Variants in ALPK2 observed in about 807,000 individuals in gnomAD.
The protein encoded by ALPK2 is alpha kinase 2, also known as alpha-protein kinase 2.
In ALPK2, 127 loss-of-function variants were observed where a neutral mutation model predicts 163.1. The ratio of observed to expected loss-of-function variants is 0.78; its 90% CI spans 0.67 to 0.90. The LOEUF is 0.90. Among genes scored for constraint, ALPK2 ranks in the 40% least tolerant of loss-of-function variants. ALPK2 has a pLI of 0.00. For synonymous variants in ALPK2, 953 were observed against 959.1 expected, an observed-to-expected ratio of 0.99 and a Z score of 0.12; for missense variants, 2,360 against 2,589.6, an observed-to-expected ratio of 0.91 and a Z score of 1.92.
rs3809972 is a variant in ALPK2, at chr18:58,537,713, C to G, written c.2474G>C (p.Arg825Thr). 835,805 of 1,604,674 alleles carry G rather than the reference C, an allele frequency of 0.52. 223,522 individuals carry two copies. Among genetic ancestry groups the G allele is most frequent in the Non-Finnish European group, 0.56 (650,773 of 1,171,822 alleles). Residue 825 changes from arginine (R) to threonine (T), a missense_variant, in exon 5 of 13, where the codon AGA (arginine) becomes ACA (threonine). Transcript: ENST00000361673. Reference protein sequence around the residue: ...CFDTIDSLVGRPVDKYSPQEI... With the variant: ...CFDTIDSLVGTPVDKYSPQEI... ...TTGAGGCGAATATTTATCAACTGGT[C>G]TCCCAACAAGAGAATCTATGGTATC...
intron 6 of ALPK2, among the ~76,000 whole-genome samples, chr18:58,525,155 G>A (rs1000440693): frequency 3.3e-5 from 5 of 152,114 alleles, no homozygotes; most frequent in African/African-American, 1.2e-4. Flanking sequence ...CAAAAACAGT[G>A]TTCATTATTG....
At chr18:58,488,230 C>G (rs2051350465) in intron 12 of ALPK2, among the ~76,000 whole-genome samples, 1 of 151,870 alleles carries the variant, frequency 6.6e-6, no homozygotes. Flanking sequence ...CTGAAACATC[C>G]CACCTGGAGA....
chr18:58,610,926 C>T (rs1212627660), intron 2 of ALPK2, among the ~76,000 whole-genome samples: 1 of 152,178 alleles, frequency 6.6e-6, no homozygotes, highest in Non-Finnish European at 1.5e-5. Flanking sequence ...GAAACCCCAT[C>T]TCTACTAAAA....
intron 4 of ALPK2, among the ~76,000 whole-genome samples, chr18:58,576,778 A>G (rs1193974079): frequency 6.6e-6 from 1 of 152,242 alleles, no homozygotes; most frequent in African/African-American, 2.4e-5. Flanking sequence ...AACACCACAG[A>G]TAGAAAGATC....
At chr18:58,527,322 C>T (rs2144136675) in intron 6 of ALPK2, among the ~76,000 whole-genome samples, 1 of 152,288 alleles carries the variant, frequency 6.6e-6, no homozygotes, top group South Asian at 2.1e-4. Flanking sequence ...TCTCAATAAA[C>T]AAATGAATTA....
intron 4 of ALPK2, among the ~76,000 whole-genome samples, chr18:58,575,256 G>A (rs1243433399): frequency 6.6e-6 from 1 of 151,880 alleles, no homozygotes. Flanking sequence ...AACTATACTT[G>A]GCATTTACTC....
chr18:58,535,149 A>G lies in ALPK2; in HGVS notation c.5038T>C (p.Cys1680Arg), dbSNP rs373354784. 1.9e-6 allele frequency: 3 copies of G among 1,614,110 alleles called. No homozygotes were observed. The highest frequency in any genetic ancestry group is 2.5e-6 in the Non-Finnish European group (3 of 1,180,014). The change falls in exon 5 of 13, where the codon TGT becomes CGT. Residue 1680 changes from cysteine (C) to arginine (R), a missense_variant. Physicochemically the swap from Cys to Arg is radical, Grantham distance 180. Transcript: ENST00000361673. ...QDPCQKGTLG[C>R]AKKSREREKS... The stretch of plus-strand genomic sequence containing the variant: ...TCTCTCTCCCTGGACTTTTTCGCAC[A>G]GCCCAGGGTGCCCTTTTGACATGGA...
intron 4 of ALPK2, among the ~76,000 whole-genome samples, chr18:58,552,394 A>G (rs2051764479): frequency 6.6e-6 from 1 of 152,270 alleles, no homozygotes; most frequent in African/African-American, 2.4e-5. Flanking sequence ...GTCTGTCCCA[A>G]CCCAGCTCAC....
chr18:58,567,273 A>C (rs2051860297), intron 4 of ALPK2, among the ~76,000 whole-genome samples: 1 of 151,428 alleles, frequency 6.6e-6, no homozygotes, highest in African/African-American at 2.4e-5. Flanking sequence ...GGTCCCAACT[A>C]CTCGGAAGGC....
rs777001151 is a variant in ALPK2, at chr18:58,537,979, G to T, written c.2208C>A (p.Asp736Glu). Residue 736 changes from aspartate (D) to glutamate (E), a missense_variant, in exon 5 of 13, where the codon GAC (aspartate) becomes GAA (glutamate). Physicochemically the swap from Asp to Glu is conservative, Grantham distance 45 (BLOSUM62 2). Transcript: ENST00000361673. Reference sequence around the variant, plus strand: ...CTGAGATGCTCTGCTCATATTTTAGGTCTTCCCTGAAATTGTCAGGTATGT... The same window carrying T: ...CTGAGATGCTCTGCTCATATTTTAGTTCTTCCCTGAAATTGTCAGGTATGT... ...DGNIPDNFRE[D>E]LKYEQSISEA... is the part of the protein sequence containing the mutation. The T allele has an allele frequency of 1.9e-6, 3 of 1,614,160 alleles. No individual in the cohort carries two copies. The East Asian group carries it at 6.7e-5, about 36-fold the overall frequency.
At chr18:58,580,763 T>A in intron 3 of ALPK2, 1 of 569,934 alleles carries the variant, frequency 1.8e-6, no homozygotes, top group Non-Finnish European at 3.1e-6. Flanking sequence ...CATCCTCCCT[T>A]GAAACTTTCC....
chr18:58,535,452 G>A lies in ALPK2; in HGVS notation c.4735C>T (p.Gln1579Ter). 1 of 1,614,192 alleles carries A rather than the reference G, an allele frequency of 6.2e-7. No individual in the cohort carries two copies. The highest frequency in any genetic ancestry group is 8.5e-7 in the Non-Finnish European group (1 of 1,180,016). The change falls in exon 5 of 13, where the codon CAG (glutamine) becomes TAG (stop). Residue 1579 changes from glutamine to a stop codon, truncating the protein, a stop_gained. Transcript: ENST00000361673. LOFTEE classifies it high-confidence loss of function. Reference sequence around the variant, plus strand: ...TTCTGTGAAACAGGAAACACATACTGACGCTTTCTGGGCTCAACTATGTCA... The same window carrying A: ...TTCTGTGAAACAGGAAACACATACTAACGCTTTCTGGGCTCAACTATGTCA... ...ENDIVEPRKR[Q>*]YVFPVSQKRG...
intron 8 of ALPK2, among the ~76,000 whole-genome samples, chr18:58,517,660 C>T (rs913400359): frequency 6.6e-6 from 1 of 151,662 alleles, no homozygotes; most frequent in African/African-American, 2.4e-5. Context: ...TTTAATACCA[C>T]AAATATACTA....
intron 12 of ALPK2, among the ~76,000 whole-genome samples, chr18:58,492,268 G>T (rs917105342): frequency 6.6e-6 from 1 of 151,648 alleles, no homozygotes; most frequent in African/African-American, 2.4e-5. Flanking sequence ...ACAAAGACAC[G>T]CACACAGACA....
At chr18:58,496,497 A>T (rs2051401845) in intron 12 of ALPK2, among the ~76,000 whole-genome samples, 1 of 152,214 alleles carries the variant, frequency 6.6e-6, no homozygotes, top group Non-Finnish European at 1.5e-5. Context: ...ATCGGCGAGA[A>T]CTTCATGAAT....
chr18:58,595,304 A>G (rs2052035660), intron 3 of ALPK2, among the ~76,000 whole-genome samples: 1 of 152,072 alleles, frequency 6.6e-6, no homozygotes, highest in African/African-American at 2.4e-5. Flanking sequence ...TCCCTTTCCC[A>G]TGAGATCAGG....
In ALPK2 at chr18:58,608,967, AAAAG is replaced by A. The variant is rs1228761736; in HGVS notation, c.110-1532_110-1529del. On this transcript the variant is annotated intron_variant, in intron 2 of 12. Transcript: ENST00000361673. ...AGTGGGACCTTGTCTCAAAAAAAAAAAAAGAAAAGAAAAGAAAAGAAAAAACGGA... is the reference window on the plus strand; with the variant it reads ...AGTGGGACCTTGTCTCAAAAAAAAAAAAAAGAAAAGAAAAGAAAAAACGGA... 1.0e-3 allele frequency among the ~76,000 whole-genome samples: 158 copies of A among 150,628 alleles called. 1 individual carries two copies. The highest frequency in any genetic ancestry group is 3.5e-3 in the African/African-American group (142 of 40,476).
chr18:58,493,449 C>T (rs914103017), intron 12 of ALPK2, among the ~76,000 whole-genome samples: 4 of 152,144 alleles, frequency 2.6e-5, no homozygotes, highest in African/African-American at 9.7e-5. Context: ...TCTCCAGGTA[C>T]GGTGGTGGCT....
In ALPK2 at chr18:58,529,133, C is replaced by T; in HGVS notation, c.5459G>A (p.Cys1820Tyr). ...TATGGACTTTGAATCTTTTGTCCAG[C>T]AGATAGTAGAATCTTCATGAATTTC... ...FAEIHEDSTI[C>Y]WTKDSKSIAQ... The change falls in exon 6 of 13, where the codon TGC becomes TAC. Residue 1820 changes from cysteine to tyrosine, a missense_variant. Coordinates refer to ENST00000361673, the MANE Select transcript of ALPK2 (RefSeq NM_052947.4). The T allele has an allele frequency of 6.2e-7, 1 of 1,614,112 alleles. No homozygotes were observed. Among genetic ancestry groups the T allele is most frequent in the Non-Finnish European group, 8.5e-7 (1 of 1,179,976 alleles).
Sources: allele counts gnomAD v4.1 joint callset (sites outside exome capture counted in the v4.1 genomes callset), GRCh38; gene constraint gnomAD v4.1.1; transcripts MANE v1.5; gene names NCBI Gene and HGNC (gene_info 2026-07-23, HGNC 2026-07-21).